FBXW10B: variants seen among roughly 807,000 people sequenced by gnomAD.
The protein encoded by FBXW10B is F-box and WD repeat domain containing protein 10B.
chr17:15,565,745 C>T, the FBXW10B span: 10 of 1,613,884 alleles, frequency 6.2e-6, no homozygotes, highest in African/African-American at 2.7e-5. Flanking sequence ...ACGAACTCAG[C>T]GTTCACTCTA....
the FBXW10B span, among the ~76,000 whole-genome samples, chr17:15,609,782 T>C: frequency 2.0e-5 from 3 of 151,966 alleles, no homozygotes; most frequent in South Asian, 2.1e-4. Flanking sequence ...AGTCTTGCTA[T>C]TTCATGTGTT....
chr17:15,568,910 C>G, the FBXW10B span: 1 of 1,231,730 alleles, frequency 8.1e-7, no homozygotes, highest in Non-Finnish European at 1.0e-6. Flanking sequence ...TTAGCTTCAG[C>G]CCATCATCGG....
At chr17:15,612,925 A>C in the FBXW10B span, 1 of 1,453,626 alleles carries the variant, frequency 6.9e-7, no homozygotes, top group South Asian at 1.4e-5. Context: ...CAAAATCTGA[A>C]GGATGGGTAA....
At chr17:15,601,801 C>T in the FBXW10B span, among the ~76,000 whole-genome samples, 2 of 152,242 alleles carry the variant, frequency 1.3e-5, no homozygotes, top group Admixed American at 1.3e-4. Context: ...AACTTATATA[C>T]TATAGCTGTT....
At chr17:15,601,180 C>T in the FBXW10B span, among the ~76,000 whole-genome samples, 52 of 149,642 alleles carry the variant, frequency 3.5e-4, no homozygotes, top group African/African-American at 9.5e-4. Context: ...GAGGCCGAGG[C>T]GGGCGGATCA....
chr17:15,613,109 GA>G, the FBXW10B span, among the ~76,000 whole-genome samples: 140 of 55,766 alleles, frequency 2.5e-3, no homozygotes, highest in Middle Eastern at 6.5e-3. Flanking sequence ...CTCTGCTGGG[GA>G]AAAAAAAAAA....
chr17:15,602,038 GAA>G, the FBXW10B span, among the ~76,000 whole-genome samples: 2 of 151,774 alleles, frequency 1.3e-5, no homozygotes, highest in East Asian at 3.9e-4. Context: ...CATGATCACG[GAA>G]GGCGGAGCTG....
At chr17:15,577,282 T>A in the FBXW10B span, among the ~76,000 whole-genome samples, 1 of 152,160 alleles carries the variant, frequency 6.6e-6, no homozygotes, top group Non-Finnish European at 1.5e-5. Flanking sequence ...TGTTCTCTAT[T>A]AACCATGGTA....
chr17:15,604,132 CAAAT>C, the FBXW10B span, among the ~76,000 whole-genome samples: 1 of 144,940 alleles, frequency 6.9e-6, no homozygotes, highest in Non-Finnish European at 1.5e-5. Flanking sequence ...AACAGAAAAA[CAAAT>C]AAATGAGTTA....
the FBXW10B span, chr17:15,607,538 G>C: frequency 3.8e-6 from 6 of 1,593,742 alleles, no homozygotes; most frequent in Non-Finnish European, 4.3e-6. Context: ...TAACTCAAGC[G>C]TCCCTAGAGA....
the FBXW10B span, among the ~76,000 whole-genome samples, chr17:15,604,426 GAA>G: frequency 6.6e-6 from 1 of 152,224 alleles, no homozygotes. Flanking sequence ...GAAGAAGCAA[GAA>G]GAGAAGGGCA....
At chr17:15,574,044 C>G in the FBXW10B span, 53,613 of 673,108 alleles carry the variant, frequency 0.08, 6,548 homozygotes, top group East Asian at 0.48. Flanking sequence ...GTGTCTCTCA[C>G]GCTGCTGGGA....
At chr17:15,574,027 T>C in the FBXW10B span, 10 of 649,258 alleles carry the variant, frequency 1.5e-5, 1 homozygote, top group Non-Finnish European at 2.8e-5. Flanking sequence ...CTGCCAGCAG[T>C]CGCCAGGTGT....
At chr17:15,583,502 C>T in the FBXW10B span, among the ~76,000 whole-genome samples, 1 of 148,606 alleles carries the variant, frequency 6.7e-6, no homozygotes, top group South Asian at 2.3e-4. Context: ...ACCTGTCTTG[C>T]TCACCACATT....
At chr17:15,588,875 C>T in the FBXW10B span, 3 of 1,614,164 alleles carry the variant, frequency 1.9e-6, no homozygotes, top group South Asian at 1.1e-5. Context: ...GTGTCCTTTG[C>T]CACTTGTTGT....
chr17:15,575,339 A>G, the FBXW10B span, among the ~76,000 whole-genome samples: 136,996 of 137,200 alleles, frequency 1, 68,417 homozygotes, highest in Non-Finnish European at 1. Context: ...GGGCTCTCCC[A>G]GCACCTCTGC....
At chr17:15,607,826 G>A in the FBXW10B span, 3 of 656,388 alleles carry the variant, frequency 4.6e-6, no homozygotes, top group Non-Finnish European at 7.6e-6. Context: ...GCAGAGAAGG[G>A]AGCAGCCAGT....
chr17:15,593,875 T>C, the FBXW10B span, among the ~76,000 whole-genome samples: 1 of 152,084 alleles, frequency 6.6e-6, no homozygotes, highest in African/African-American at 2.4e-5. Context: ...GTGATCCACC[T>C]ACCTTGGCCT....
chr17:15,616,206 C>G, the FBXW10B span, among the ~76,000 whole-genome samples: 2,078 of 151,958 alleles, frequency 0.014, 44 homozygotes, highest in African/African-American at 0.047. Flanking sequence ...CTGAGTTTTG[C>G]TCTTATTGCC....
Sources: allele counts gnomAD v4.1 joint callset (sites outside exome capture counted in the v4.1 genomes callset), GRCh38; gene constraint gnomAD v4.1.1; transcripts MANE v1.5; gene names NCBI Gene and HGNC (gene_info 2026-07-23, HGNC 2026-07-21).